Variants in INPP5J observed in about 807,000 individuals in gnomAD.
INPP5J encodes the protein phosphatidylinositol 4,5-bisphosphate 5-phosphatase A.
In INPP5J, 75 loss-of-function variants were observed where a neutral mutation model predicts 86.6. That is an observed-to-expected ratio of 0.87 (90% CI 0.72 to 1.05). The LOEUF is 1.05. Ranked by LOEUF, INPP5J falls within the 50% of genes least tolerant of loss-of-function variation. INPP5J has a pLI of 0.00. For missense variants in INPP5J, 1,229 were observed against 1,341.2 expected, an observed-to-expected ratio of 0.92 and a Z score of 1.31; for synonymous variants, 540 against 550.0, an observed-to-expected ratio of 0.98 and a Z score of 0.25.
Position 31,125,715 on chromosome 22 carries a change from A to G in INPP5J, c.976A>G (p.Thr326Ala), listed in dbSNP as rs1160648198. 6.5e-7 allele frequency: 1 copy of G among 1,549,382 alleles called. No homozygotes were observed. The highest frequency in any genetic ancestry group is 1.2e-5 in the South Asian group (1 of 83,962). Residue 326 changes from threonine (T) to alanine (A), a missense_variant, in exon 2 of 13, where the codon ACC becomes GCC. Thr to Ala is a moderately conservative substitution (Grantham distance 58). Transcript: ENST00000331075. The part of the protein sequence containing the change: ...GTHSPGLLSP[T>A]FRPGAPSGQT... ...TCACTCCCCTGGACTTCTGTCCCCC[A>G]CCTTCCGGCCTGGGGCCCCCTCAGG...
chr22:31,132,193 A>C (rs1442763703), intron 9 of INPP5J, among the ~76,000 whole-genome samples: 1 of 152,212 alleles, frequency 6.6e-6, no homozygotes, highest in Admixed American at 6.5e-5. Context: ...CCCTGGGGTA[A>C]CATAGCGAGT....
At chr22:31,133,305 T>A in intron 10 of INPP5J, 70 bp downstream of exon 10, 1 of 1,599,784 alleles carries the variant, frequency 6.3e-7, no homozygotes, top group Admixed American at 1.7e-5. Context: ...AACAGCATGG[T>A]GGGGTCACTG....
chr22:31,128,640 C>A lies in INPP5J; in HGVS notation c.2179C>A (p.Gln727Lys). 6.3e-7 allele frequency: 1 copy of A among 1,586,466 alleles called. No homozygotes were observed. Among genetic ancestry groups the A allele is most frequent in the South Asian group, 1.2e-5 (1 of 86,880 alleles). The change falls in exon 9 of 13, where the codon CAG (glutamine) becomes AAG (lysine). Residue 727 changes from glutamine (Q) to lysine (K), a missense_variant. Gln to Lys is a moderately conservative substitution (Grantham distance 53). Coordinates refer to ENST00000331075, the MANE Select transcript of INPP5J (RefSeq NM_001284285.2). Reference protein sequence around the residue: ...TVSDHKPVAAQFLLQFAFRDD... With the variant: ...TVSDHKPVAAKFLLQFAFRDD... The stretch of plus-strand genomic sequence containing the variant: ...CAGCGACCACAAGCCTGTGGCTGCC[C>A]AGTTCCTCCTGCAGGTGAGTTCTGG...
At position 31,123,642 on chromosome 22, in the gene INPP5J, G is replaced by A. The variant is rs549411274; in HGVS notation, c.105+523G>A. On this transcript the variant is annotated intron_variant, in intron 1 of 12. Coordinates refer to ENST00000331075, the MANE Select transcript of INPP5J (RefSeq NM_001284285.2). ...AGGTACTCTGAACTGAGAAGGATACGGGACAGAAACAGAAGTGCGTCTCCA... is the reference window on the plus strand; with the variant it reads ...AGGTACTCTGAACTGAGAAGGATACAGGACAGAAACAGAAGTGCGTCTCCA... 2.6e-4 allele frequency among the ~76,000 whole-genome samples: 39 copies of A among 152,274 alleles called. No individual in the cohort carries two copies. In the South Asian group the frequency reaches 5.6e-3, roughly 22 times the overall value.
chr22:31,123,376 C>T (rs576952810), intron 1 of INPP5J, among the ~76,000 whole-genome samples: 1 of 152,162 alleles, frequency 6.6e-6, no homozygotes, highest in Non-Finnish European at 1.5e-5. Flanking sequence ...CCCAGCTGTG[C>T]TCCACCTTTG....
In INPP5J at chr22:31,126,003, G is replaced by A. The variant is rs746226233; in HGVS notation, c.1264G>A (p.Gly422Ser). ...SAQPTWKSDP[G>S]FRITVVTWNV... is the part of the protein sequence containing the mutation. ...TCAGCCTACCTGGAAGAGCGACCCC[G>A]GCTTCCGGTGAGGGGGCCCTCTCCC... Residue 422 changes from glycine to serine, a missense_variant, in exon 2 of 13, where the codon GGC becomes AGC. Gly to Ser is a moderately conservative substitution (Grantham distance 56). Coordinates refer to ENST00000331075, the MANE Select transcript of INPP5J (RefSeq NM_001284285.2). 1.4e-5 allele frequency: 22 copies of A among 1,565,664 alleles called. No individual in the cohort carries two copies. Among genetic ancestry groups the A allele is most frequent in the African/African-American group, 6.8e-5 (5 of 73,934 alleles).
At position 31,134,044 on chromosome 22, in the gene INPP5J, G is replaced by A; in HGVS notation, c.2646G>A (p.Lys882=). 1 of 1,598,718 alleles carries A rather than the reference G, an allele frequency of 6.3e-7. No individual in the cohort carries two copies. The highest frequency in any genetic ancestry group is 8.5e-7 in the Non-Finnish European group (1 of 1,173,892). The part of the protein sequence containing the change: ...KSRSPSPGKS[K]RHRSRSPGLA... Reference sequence around the variant, plus strand: ...GCAGCCCCAGTCCTGGCAAGTCCAAGCGACACCGCAGCCGCAGCCCGGGAC... The same window carrying A: ...GCAGCCCCAGTCCTGGCAAGTCCAAACGACACCGCAGCCGCAGCCCGGGAC... The change falls in exon 13 of 13, where the codon AAG becomes AAA. Residue 882 remains lysine (K), a synonymous_variant. Coordinates refer to ENST00000331075, the MANE Select transcript of INPP5J (RefSeq NM_001284285.2).
At position 31,133,254 on chromosome 22, in the gene INPP5J, G is replaced by A; in HGVS notation, c.2331+19G>A. 1 of 1,604,982 alleles carries A rather than the reference G, an allele frequency of 6.2e-7. No individual in the cohort carries two copies. ...ATACCGGGTGAGAGGGGCAGTGGTG[G>A]TCAGCGACTCAGGGAAGAAAGGGGC... On this transcript the variant is annotated intron_variant, in intron 10 of 12. Coordinates refer to ENST00000331075, the MANE Select transcript of INPP5J (RefSeq NM_001284285.2).
Position 31,125,194 on chromosome 22 carries a change from C to T in INPP5J, c.455C>T (p.Pro152Leu), listed in dbSNP as rs1170370186. The change falls in exon 2 of 13, where the codon CCA (proline) becomes CTA (leucine). Residue 152 changes from proline to leucine, a missense_variant. Transcript: ENST00000331075. Reference sequence around the variant, plus strand: ...GCCTCAGCAGGGCCAAGATCTCCCCCAGTCACCCTGGGGCCCAATCTGGCC... The same window carrying T: ...GCCTCAGCAGGGCCAAGATCTCCCCTAGTCACCCTGGGGCCCAATCTGGCC... ...MPASAGPRSP[P>L]VTLGPNLAPT... is the part of the protein sequence containing the mutation. 1 of 1,550,532 alleles carries T rather than the reference C, an allele frequency of 6.4e-7. No individual in the cohort carries two copies. Among genetic ancestry groups the T allele is most frequent in the Non-Finnish European group, 8.7e-7 (1 of 1,146,974 alleles).
chr22:31,134,315 G>A lies in INPP5J; in HGVS notation c.2917G>A (p.Gly973Ser). ...GCGCCTAGAGACTGTAGACCCTGGT[G>A]GTGGTGGCTCCTGGGGACCTGATCG... ...ALRLETVDPG[G>S]GGSWGPDREA... Residue 973 changes from glycine (G) to serine (S), a missense_variant, in exon 13 of 13, where the codon GGT (glycine) becomes AGT (serine). Physicochemically the swap from Gly to Ser is moderately conservative, Grantham distance 56 (BLOSUM62 0). Transcript: ENST00000331075. 6.4e-7 allele frequency: 1 copy of A among 1,553,904 alleles called. No individual in the cohort carries two copies. The highest frequency in any genetic ancestry group is 8.7e-7 in the Non-Finnish European group (1 of 1,149,964).
chr22:31,124,793 G>A, intron 1 of INPP5J, 52 bp from the exon 2 acceptor site: 2 of 1,506,976 alleles, frequency 1.3e-6, no homozygotes, highest in Middle Eastern at 1.8e-4. Context: ...GGAAGTTGGG[G>A]CCCAATGCCC....
Position 31,125,359 on chromosome 22 carries a change from G to T in INPP5J, c.620G>T (p.Ser207Ile). 6.4e-7 allele frequency: 1 copy of T among 1,550,510 alleles called. No individual in the cohort carries two copies. The highest frequency in any genetic ancestry group is 8.7e-7 in the Non-Finnish European group (1 of 1,146,980). Residue 207 changes from serine (S) to isoleucine (I), a missense_variant, in exon 2 of 13, where the codon AGT (serine) becomes ATT (isoleucine). Ser to Ile is a moderately radical substitution (Grantham distance 142). Coordinates refer to ENST00000331075, the MANE Select transcript of INPP5J (RefSeq NM_001284285.2). ...CCCTCCACCCCTTCCCCGGTGCCCA[G>T]TCCAGTTCTGTCTCCAACTCAGGAA... ...ELPSTPSPVPSPVLSPTQEQA... is the reference protein window; with the variant it reads ...ELPSTPSPVPIPVLSPTQEQA...
At chr22:31,127,081 G>A in intron 5 of INPP5J, 44 bp downstream of exon 5, 2 of 1,339,826 alleles carry the variant, frequency 1.5e-6, no homozygotes, top group Non-Finnish European at 2.1e-6. Context: ...ACATGAAGGG[G>A]GCTTTAGATT....
chr22:31,134,380 G>T lies in INPP5J; in HGVS notation c.2982G>T (p.Gln994His). ...LAPNSLSPSP[Q>H]GHRGLEEGGL... is the part of the protein sequence containing the mutation. ...CCAACAGCCTGTCTCCTAGTCCCCA[G>T]GGCCATCGGGGGCTGGAGGAAGGGG... Residue 994 changes from glutamine (Q) to histidine (H), a missense_variant, in exon 13 of 13, where the codon CAG becomes CAT. By Grantham distance (24) the Gln-to-His change is conservative (BLOSUM62 0). Coordinates refer to ENST00000331075, the MANE Select transcript of INPP5J (RefSeq NM_001284285.2). 2 of 1,481,648 alleles carry T rather than the reference G, an allele frequency of 1.3e-6. No homozygotes were observed. The highest frequency in any genetic ancestry group is 1.4e-5 in the South Asian group (1 of 73,370). The allele number at this position is 1,481,648 out of a possible 1,614,324, so 91.8% of individuals were successfully genotyped here.
chr22:31,127,101 GC>G, intron 5 of INPP5J, 64 bp downstream of exon 5: 1 of 1,142,550 alleles, frequency 8.8e-7, no homozygotes, highest in Non-Finnish European at 1.3e-6. Context: ...TAGTCCCCCC[GC>G]CCCATGCACA....
rs748027308 is a variant in INPP5J, at chr22:31,128,343, G to A, written c.2009+20G>A. ...TACCAGGTGAGCTCAGTCCGAGGAG[G>A]GACTGAGGGGAAGTGGGCTGAGGTC... On this transcript the variant is annotated intron_variant, in intron 8 of 12. Coordinates refer to ENST00000331075, the MANE Select transcript of INPP5J (RefSeq NM_001284285.2). The A allele has an allele frequency of 3.2e-6, 5 of 1,574,480 alleles. No individual in the cohort carries two copies. Among genetic ancestry groups the A allele is most frequent in the Non-Finnish European group, 8.6e-7 (1 of 1,156,334 alleles).
Position 31,125,324 on chromosome 22 carries a change from C to G in INPP5J, c.585C>G (p.Pro195=), listed in dbSNP as rs1921267231. ...TGGCCCTGGCTTCTGAGGAGCAGCC[C>G]CCAGAACTCCCCTCCACCCCTTCCC... ...LSLALASEEQ[P]PELPSTPSPV... The change falls in exon 2 of 13, where the codon CCC becomes CCG. Residue 195 remains proline, a synonymous_variant. Transcript: ENST00000331075. The G allele has an allele frequency of 6.4e-7, 1 of 1,550,416 alleles. No individual in the cohort carries two copies. The highest frequency in any genetic ancestry group is 1.2e-5 in the South Asian group (1 of 84,058).
chr22:31,123,242 C>G lies in INPP5J; in HGVS notation c.105+123C>G, dbSNP rs186225002. On this transcript the variant is annotated intron_variant, in intron 1 of 12. Coordinates refer to ENST00000331075, the MANE Select transcript of INPP5J (RefSeq NM_001284285.2). ...GGGGCTGGTACTTTCCTCTGCTCAG[C>G]GAGCAGGGGCTAGGTGAAGAGAGCA... 1.1e-3 allele frequency: 645 copies of G among 592,122 alleles called. 4 individuals are homozygous for G. The African/African-American group carries it at 0.011, about 10-fold the overall frequency. The allele number at this position is 592,122 out of a possible 1,614,324, so 36.7% of individuals were successfully genotyped here. A position where few individuals can be genotyped will look rare whatever the true frequency, so the allele number is the denominator to read the frequency against.
Position 31,127,367 on chromosome 22 carries a change from GTGGCGTGAGCGTGCGCC to G in INPP5J, c.1628_1644del (p.Val543GlyfsTer48). 6.2e-7 allele frequency: 1 copy of G among 1,610,888 alleles called. No homozygotes were observed. The highest frequency in any genetic ancestry group is 1.1e-5 in the South Asian group (1 of 90,432). On this transcript the variant is annotated frameshift_variant, in exon 6 of 13. Coordinates refer to ENST00000331075, the MANE Select transcript of INPP5J (RefSeq NM_001284285.2). LOFTEE classifies it high-confidence loss of function. ...ACCCTGCCTCCCTAGGGTAACAAGGGTGGCGTGAGCGTGCGCCTGGCGGCCTTCGGGCACATGCTCTG... is the reference window on the plus strand; with the variant it reads ...ACCCTGCCTCCCTAGGGTAACAAGGGTGGCGGCCTTCGGGCACATGCTCTG...
Sources: allele counts gnomAD v4.1 joint callset (sites outside exome capture counted in the v4.1 genomes callset), GRCh38; gene constraint gnomAD v4.1.1; transcripts MANE v1.5; gene names NCBI Gene and HGNC (gene_info 2026-07-23, HGNC 2026-07-21).